Variants in ALS2 observed in about 807,000 individuals in gnomAD.
The protein encoded by ALS2 is alsin Rho guanine nucleotide exchange factor ALS2.
ALS2 carries 117 observed loss-of-function variants against 203.4 expected under a neutral mutation model. The observed-to-expected ratio is 0.58, with a 90% confidence interval of 0.50 to 0.67. The LOEUF (loss-of-function observed/expected upper bound fraction) is 0.67. Among genes scored for constraint, ALS2 ranks in the 30% least tolerant of loss-of-function variants. ALS2 has a pLI of 0.00. For synonymous variants in ALS2, 718 were observed against 725.9 expected (o/e 0.99, Z 0.17); for missense variants, 1,715 against 1,989.4 (o/e 0.86, Z 2.62).
chr2:201,738,654 G>C lies in ALS2; in HGVS notation c.2417+16C>G. On this transcript the variant is annotated intron_variant, in intron 12 of 33. Transcript: ENST00000264276. ...TGGCGGAGAGAATGATAACTGGAAG[G>C]TGTGGGTTTGCTTACATGGCAGGCT... 1 of 1,609,822 alleles carries C rather than the reference G, an allele frequency of 6.2e-7. No homozygotes were observed. Among genetic ancestry groups the C allele is most frequent in the African/African-American group, 1.3e-5 (1 of 74,916 alleles).
At chr2:201,712,849 T>C (rs6718605) in intron 25 of ALS2, among the ~76,000 whole-genome samples, 135,622 of 151,976 alleles carry the variant, frequency 0.89, 60,716 homozygotes, top group East Asian at 0.98. Flanking sequence ...TTCAGTATTT[T>C]GAAAATGTTG....
intron 6 of ALS2, 84 bp from the exon 7 acceptor site, chr2:201,753,326 T>A: frequency 9.1e-7 from 1 of 1,104,720 alleles, no homozygotes; most frequent in South Asian, 1.2e-5. Flanking sequence ...AGTGCTGTCG[T>A]GTAAAAATAA....
chr2:201,729,689 G>A (rs927983482), intron 13 of ALS2, among the ~76,000 whole-genome samples: 1 of 151,936 alleles, frequency 6.6e-6, no homozygotes, highest in Non-Finnish European at 1.5e-5. Flanking sequence ...GACCATCCTG[G>A]CTAACACGGT....
rs3219158 is a variant in ALS2 at position 201,753,143 on chromosome 2, T to C, written c.1737+3A>G. On this transcript the variant is annotated splice_donor_region_variant and intron_variant, in intron 7 of 33. Transcript: ENST00000264276. ...GTAAAGCATTTAATAGTTTGCCTCC[T>C]ACCTGGGATTTCGCAGTAAGTGCAA... is the stretch of plus-strand genomic sequence containing the variant. 2.2e-5 allele frequency: 36 copies of C among 1,613,222 alleles called. No homozygotes were observed. Among genetic ancestry groups the C allele is most frequent in the Non-Finnish European group, 3.0e-5 (35 of 1,179,266 alleles).
chr2:201,718,244 G>T, intron 23 of ALS2, 34 bp from the exon 24 acceptor site: 1 of 1,596,820 alleles, frequency 6.3e-7, no homozygotes, highest in Non-Finnish European at 8.6e-7. Context: ...TGTGGGGTTA[G>T]AGGAAATATA....
chr2:201,730,916 A>T (rs903245927), intron 13 of ALS2, among the ~76,000 whole-genome samples: 3 of 152,264 alleles, frequency 2.0e-5, no homozygotes, highest in Non-Finnish European at 4.4e-5. Context: ...TTGCACCATC[A>T]GTGTAAATGA....
chr2:201,770,720 G>A (rs1291884617), intron 1 of ALS2, among the ~76,000 whole-genome samples: 2 of 152,154 alleles, frequency 1.3e-5, no homozygotes, highest in Non-Finnish European at 2.9e-5. Flanking sequence ...GAGACATGAT[G>A]ATGGAGGCAG....
intron 7 of ALS2, among the ~76,000 whole-genome samples, chr2:201,751,814 A>T (rs1405241130): frequency 6.6e-6 from 1 of 152,182 alleles, no homozygotes; most frequent in African/African-American, 2.4e-5. Flanking sequence ...TACACCCAGA[A>T]TTAGAATATG....
Position 201,746,586 on chromosome 2 carries a change from C to G in ALS2, c.1978G>C (p.Val660Leu). The G allele has an allele frequency of 1.2e-6, 2 of 1,614,180 alleles. No homozygotes were observed. The highest frequency in any genetic ancestry group is 2.2e-5 in the South Asian group (2 of 91,086). ...PENHSGSKTP[V>L]LLSCSKLGYI... ...TTCACCTTACTACAGGAGAGAAGTA[C>G]TGGAGTCTTAGAACCACTGTGATTC... is the stretch of plus-strand genomic sequence containing the variant. Residue 660 changes from valine to leucine, a missense_variant, in exon 9 of 34, where the codon GTA (valine) becomes CTA (leucine). By Grantham distance (32) the Val-to-Leu change is conservative. Around this residue, in one of 3 missense-constraint regions of ALS2, gnomAD observed 1,227 missense variants for 1,413.5 expected, o/e 0.87. Coordinates refer to ENST00000264276, the MANE Select transcript of ALS2 (RefSeq NM_020919.4).
chr2:201,755,222 T>C (rs1424016474), intron 5 of ALS2, among the ~76,000 whole-genome samples: 1 of 152,036 alleles, frequency 6.6e-6, no homozygotes, highest in Non-Finnish European at 1.5e-5. Flanking sequence ...CATCTGTGAA[T>C]ACCCACTGCA....
At chr2:201,754,417 T>G (rs1693257941) in intron 6 of ALS2, 86 bp downstream of exon 6, 44 of 1,505,084 alleles carry the variant, frequency 2.9e-5, no homozygotes, top group East Asian at 6.8e-5. Context: ...ATTTCCTCTA[T>G]GAGGAAAGTG....
intron 11 of ALS2, among the ~76,000 whole-genome samples, chr2:201,740,309 C>G (rs1032831729): frequency 3.3e-5 from 5 of 152,114 alleles, no homozygotes; most frequent in African/African-American, 1.2e-4. Flanking sequence ...GCTTTAATAA[C>G]TTTATAATTA....
intron 13 of ALS2, among the ~76,000 whole-genome samples, chr2:201,730,247 T>A (rs1009758292): frequency 7.2e-5 from 11 of 152,238 alleles, no homozygotes; most frequent in African/African-American, 2.7e-4. Context: ...GGGTCTATCA[T>A]GCACTTTGAA....
intron 27 of ALS2, 25 bp from the exon 28 acceptor site, chr2:201,708,016 T>C: frequency 6.2e-7 from 1 of 1,600,888 alleles, no homozygotes; most frequent in Non-Finnish European, 8.5e-7. Flanking sequence ...AAAATATAAT[T>C]ATACAATTAT....
At position 201,723,320 on chromosome 2, in the gene ALS2, T is replaced by G; in HGVS notation, c.3624+10A>C. The G allele has an allele frequency of 1.3e-6, 2 of 1,588,786 alleles. No individual in the cohort carries two copies. The highest frequency in any genetic ancestry group is 1.7e-6 in the Non-Finnish European group (2 of 1,156,928). On this transcript the variant is annotated intron_variant, in intron 22 of 33. Transcript: ENST00000264276. ...AGTTAGTAATAACTACATGCAAATA[T>G]TCCACTCACCATCATTTTATTAAGG...
chr2:201,759,269 A>G (rs1234757031), intron 4 of ALS2, among the ~76,000 whole-genome samples: 1 of 152,182 alleles, frequency 6.6e-6, no homozygotes, highest in African/African-American at 2.4e-5. Flanking sequence ...TTGATGAAAT[A>G]TATAATTTTA....
chr2:201,779,735 G>A (rs978263805), intron 1 of ALS2, among the ~76,000 whole-genome samples: 1 of 152,202 alleles, frequency 6.6e-6, no homozygotes, highest in African/African-American at 2.4e-5. Context: ...CTGAGGCAGA[G>A]AGATTAAATA....
Position 201,715,705 on chromosome 2 carries a change from G to A in ALS2, c.3971C>T (p.Ala1324Val), listed in dbSNP as rs758628614. The stretch of plus-strand genomic sequence containing the variant: ...GTGCTGGCGCCGACTGGTGGTCAAG[G>A]CCACAGCAATATTGTCCCATGCTTT... ...VWKAWDNIAV[A>V]LTTSRRQHRD... Residue 1324 changes from alanine to valine, a missense_variant, in exon 25 of 34, where the codon GCC becomes GTC. Ala to Val is a moderately conservative substitution (Grantham distance 64). This residue lies in a region of ALS2 where 1,227 missense variants were observed against 1,413.5 expected (regional missense o/e 0.87). Coordinates refer to ENST00000264276, the MANE Select transcript of ALS2 (RefSeq NM_020919.4). 3 of 1,614,054 alleles carry A rather than the reference G, an allele frequency of 1.9e-6. No individual in the cohort carries two copies. The highest frequency in any genetic ancestry group is 2.2e-5 in the South Asian group (2 of 91,084).
intron 28 of ALS2, 35 bp downstream of exon 28, chr2:201,707,834 C>T: frequency 6.2e-7 from 1 of 1,609,202 alleles, no homozygotes; most frequent in Non-Finnish European, 8.5e-7. Context: ...AGTCACCATT[C>T]CCTTTCTTCA....
Sources: allele counts gnomAD v4.1 joint callset (sites outside exome capture counted in the v4.1 genomes callset), GRCh38; gene constraint gnomAD v4.1.1; regional missense constraint gnomAD v4.1.1; transcripts MANE v1.5; gene names NCBI Gene and HGNC (gene_info 2026-07-23, HGNC 2026-07-21).